Variants in BNC2 observed in about 807,000 individuals in gnomAD.
BNC2 encodes the protein zinc finger protein basonuclin-2.
In BNC2, 20 loss-of-function variants were observed where a neutral mutation model predicts 76.3. That is an observed-to-expected ratio of 0.26 (90% CI 0.18 to 0.38). The LOEUF (loss-of-function observed/expected upper bound fraction) is 0.38. Ranked by LOEUF, BNC2 falls within the 10% of genes least tolerant of loss-of-function variation. The probability of loss-of-function intolerance (pLI) is 1.00; values close to 1 mark genes in which losing one functional copy is unlikely to be tolerated. For synonymous variants in BNC2, 582 were observed against 514.8 expected, an observed-to-expected ratio of 1.13 and a Z score of -1.77; for missense variants, 1,382 against 1,399.8, an observed-to-expected ratio of 0.99 and a Z score of 0.20.
Position 16,475,668 on chromosome 9 carries a change from C to G in BNC2, c.670-38144G>C, listed in dbSNP as rs182549719. On this transcript the variant is annotated intron_variant, in intron 5 of 6. Coordinates refer to ENST00000380672, the MANE Select transcript of BNC2 (RefSeq NM_017637.6). ...TAGAAATTAATAAATCAAACAGTGT[C>G]TTTTATCCCCTTTCCTCCATACAAT... Among the ~76,000 whole-genome samples, 3 of 152,262 alleles carry G rather than the reference C, an allele frequency of 2.0e-5. No homozygotes were observed. The East Asian group carries it at 5.8e-4, about 29-fold the overall frequency.
intron 1 of BNC2, among the ~76,000 whole-genome samples, chr9:16,834,756 T>C (rs1224761779): frequency 6.6e-6 from 1 of 152,222 alleles, no homozygotes; most frequent in Non-Finnish European, 1.5e-5. Flanking sequence ...GTATAATGTC[T>C]GTCCTATATA....
At chr9:16,769,815 G>A (rs1299387028) in intron 1 of BNC2, among the ~76,000 whole-genome samples, 3 of 152,170 alleles carry the variant, frequency 2.0e-5, no homozygotes, top group Non-Finnish European at 2.9e-5. Flanking sequence ...ATTCATGTGG[G>A]TGGAGCTTGT....
intron 5 of BNC2, among the ~76,000 whole-genome samples, chr9:16,461,735 C>A (rs971048376): frequency 6.6e-6 from 1 of 152,164 alleles, no homozygotes; most frequent in Non-Finnish European, 1.5e-5. Context: ...AAAAGTGCAA[C>A]AGGCCTTGAT....
chr9:16,621,333 T>G (rs1035890089), intron 3 of BNC2, among the ~76,000 whole-genome samples: 4 of 152,160 alleles, frequency 2.6e-5, no homozygotes, highest in Non-Finnish European at 4.4e-5. Context: ...AAACTTTTTC[T>G]TCTCCCACAA....
intron 3 of BNC2, among the ~76,000 whole-genome samples, chr9:16,710,218 C>T (rs1201798976): frequency 5.3e-5 from 8 of 152,208 alleles, no homozygotes. Flanking sequence ...GATGGACCTT[C>T]CACCAGTTTC....
intron 1 of BNC2, among the ~76,000 whole-genome samples, chr9:16,868,626 T>C (rs1447163384): frequency 1.3e-5 from 2 of 152,240 alleles, no homozygotes; most frequent in Non-Finnish European, 2.9e-5. Context: ...TCAAGCTCGT[T>C]ATTACTTCCC....
intron 4 of BNC2, among the ~76,000 whole-genome samples, chr9:16,555,449 G>A (rs1818799223): frequency 6.6e-6 from 1 of 152,104 alleles, no homozygotes; most frequent in Admixed American, 6.5e-5. Flanking sequence ...CTGAGACTGA[G>A]GATATTATAA....
At chr9:16,771,766 G>C (rs1018566305) in intron 1 of BNC2, among the ~76,000 whole-genome samples, 6 of 152,050 alleles carry the variant, frequency 3.9e-5, no homozygotes, top group African/African-American at 2.4e-5. Flanking sequence ...ATTTTCCCTA[G>C]AAAGGCATCT....
chr9:16,490,827 T>G (rs1822263440), intron 5 of BNC2, among the ~76,000 whole-genome samples: 1 of 152,142 alleles, frequency 6.6e-6, no homozygotes, highest in Admixed American at 6.5e-5. Flanking sequence ...TACATAACAA[T>G]AAAATGCAGT....
intron 5 of BNC2, among the ~76,000 whole-genome samples, chr9:16,516,075 A>G (rs1417465120): frequency 6.6e-6 from 1 of 152,146 alleles, no homozygotes; most frequent in Non-Finnish European, 1.5e-5. Flanking sequence ...CAAAGACAAC[A>G]CTGCTTGAGC....
chr9:16,761,714 T>C (rs570456394), intron 1 of BNC2, among the ~76,000 whole-genome samples: 6 of 152,356 alleles, frequency 3.9e-5, no homozygotes, highest in Admixed American at 3.3e-4. Context: ...GGCTTAATTA[T>C]TCAGTACTCA....
intron 1 of BNC2, chr9:16,775,815 A>T: frequency 6.4e-6 from 1 of 156,030 alleles, no homozygotes; most frequent in East Asian, 1.9e-4. Context: ...ATTTTTTGTC[A>T]ATGTCCTCAA....
At chr9:16,514,807 A>C (rs1249335913) in intron 5 of BNC2, among the ~76,000 whole-genome samples, 2 of 152,248 alleles carry the variant, frequency 1.3e-5, no homozygotes, top group Non-Finnish European at 2.9e-5. Context: ...AAACAAAAAA[A>C]CACTTTCACA....
intron 1 of BNC2, among the ~76,000 whole-genome samples, chr9:16,829,062 T>C (rs1818519904): frequency 6.6e-6 from 1 of 152,008 alleles, no homozygotes; most frequent in Admixed American, 6.6e-5. Context: ...CCAGGGGACC[T>C]GGGGCCTGGG....
chr9:16,806,005 G>A (rs577772254), intron 1 of BNC2, among the ~76,000 whole-genome samples: 1 of 152,146 alleles, frequency 6.6e-6, no homozygotes. Context: ...ATGAAGCAGA[G>A]AGAAGCAATG....
At chr9:16,765,782 ATTT>A (rs762499077) in intron 1 of BNC2, among the ~76,000 whole-genome samples, 1 of 134,794 alleles carries the variant, frequency 7.4e-6, no homozygotes. Context: ...CACTCTCGTA[ATTT>A]TTTTTTTTTT....
chr9:16,639,348 C>T (rs1821420573), intron 3 of BNC2, among the ~76,000 whole-genome samples: 1 of 152,082 alleles, frequency 6.6e-6, no homozygotes, highest in Admixed American at 6.6e-5. Context: ...TTACTAATTA[C>T]CAACATCTAG....
intron 3 of BNC2, among the ~76,000 whole-genome samples, chr9:16,683,708 T>C (rs914913645): frequency 1.3e-5 from 2 of 152,244 alleles, no homozygotes; most frequent in African/African-American, 4.8e-5. Flanking sequence ...AGCATCTTTA[T>C]TATGGTGGAC....
At chr9:16,518,974 A>G (rs1340019116) in intron 5 of BNC2, among the ~76,000 whole-genome samples, 1 of 152,268 alleles carries the variant, frequency 6.6e-6, no homozygotes. Flanking sequence ...ACAAACAAAC[A>G]AAAAGCAAGT....
Sources: allele counts gnomAD v4.1 joint callset (sites outside exome capture counted in the v4.1 genomes callset), GRCh38; gene constraint gnomAD v4.1.1; transcripts MANE v1.5; gene names NCBI Gene and HGNC (gene_info 2026-07-23, HGNC 2026-07-21).